CACNG5: variants seen among roughly 807,000 people sequenced by gnomAD.
CACNG5 encodes the protein voltage-dependent calcium channel gamma-5 subunit.
CACNG5 carries 18 observed loss-of-function variants against 24.8 expected under a neutral mutation model. The observed-to-expected ratio is 0.73, with a 90% CI of 0.50 to 1.08. The LOEUF is 1.08. Ranked by LOEUF, CACNG5 falls within the 50% of genes least tolerant of loss-of-function variation. The probability of loss-of-function intolerance (pLI) is 0.00; values close to 1 mark genes in which losing one functional copy is unlikely to be tolerated. For synonymous variants in CACNG5, 157 were observed against 149.1 expected (o/e 1.05, Z -0.39); for missense variants, 349 against 367.9 (o/e 0.95, Z 0.42).
At chr17:66,868,479 C>T (rs1976959601) in intron 1 of CACNG5, among the ~76,000 whole-genome samples, 6 of 152,182 alleles carry the variant, frequency 3.9e-5, no homozygotes, top group Admixed American at 3.9e-4. Context: ...GCTCACTCTC[C>T]AAAGGGCCTC....
At position 66,885,575 on chromosome 17, in the gene CACNG5, C is replaced by T. The variant is rs1207910228; in HGVS notation, c.*335C>T. On this transcript the variant is annotated 3_prime_UTR_variant, in exon 6 of 6. Transcript: ENST00000533854. Reference sequence around the variant, plus strand: ...ATGTTCCCTTTGTATATTCTTCCTGCACCCCCCAACTTCATGGCCCTGGGC... The same window carrying T: ...ATGTTCCCTTTGTATATTCTTCCTGTACCCCCCAACTTCATGGCCCTGGGC... The T allele has an allele frequency of 1.8e-5, 5 of 279,186 alleles. No individual in the cohort carries two copies. The highest frequency in any genetic ancestry group is 3.3e-5 in the Non-Finnish European group (5 of 149,528). 17.3% of individuals were successfully genotyped at this position (279,186 alleles called of 1,614,324 possible). A position where few individuals can be genotyped will look rare whatever the true frequency, so the allele number is the denominator to read the frequency against.
intron 1 of CACNG5, among the ~76,000 whole-genome samples, chr17:66,838,957 A>ATTTTTTTTTTTT (rs1435457390): frequency 1.6e-5 from 1 of 61,504 alleles, no homozygotes; most frequent in African/African-American, 8.6e-5. Context: ...TCCCTCACCC[A>ATTTTTTTTTTTT]TTCTTTTTTT....
intron 3 of CACNG5, 83 bp downstream of exon 3, chr17:66,879,141 A>G: frequency 9.8e-7 from 1 of 1,025,136 alleles, no homozygotes; most frequent in South Asian, 1.3e-5. Context: ...GTGCCAGCAT[A>G]TTTCTCAAGA....
intron 1 of CACNG5, among the ~76,000 whole-genome samples, chr17:66,854,710 A>G (rs1475039879): frequency 2.0e-5 from 3 of 152,126 alleles, no homozygotes; most frequent in African/African-American, 7.2e-5. Context: ...AAAGAAAGAA[A>G]AAAGAAAAGA....
chr17:66,860,704 C>T (rs1704200409), intron 1 of CACNG5, among the ~76,000 whole-genome samples: 1 of 151,906 alleles, frequency 6.6e-6, no homozygotes, highest in Admixed American at 6.6e-5. Context: ...TTTGAATTCT[C>T]ATAAAAAACA....
intron 1 of CACNG5, among the ~76,000 whole-genome samples, chr17:66,871,423 C>T (rs760523043): frequency 2.6e-5 from 4 of 152,162 alleles, no homozygotes; most frequent in African/African-American, 4.8e-5. Context: ...CCAATTAAAC[C>T]CCATCCATCC....
chr17:66,890,558 T>A lies in CACNG5; in HGVS notation c.*5318T>A, dbSNP rs1318576777. 6.6e-6 allele frequency among the ~76,000 whole-genome samples: 1 copy of A among 152,174 alleles called. No individual in the cohort carries two copies. The highest frequency in any genetic ancestry group is 1.5e-5 in the Non-Finnish European group (1 of 68,018). The stretch of plus-strand genomic sequence containing the variant: ...TTCTGGGCCTGCCTCCACCTTCTGG[T>A]GTGTGAAGCCAGGACTCCCTGTGTG... On this transcript the variant is annotated 3_prime_UTR_variant, in exon 6 of 6. Coordinates refer to ENST00000533854, the MANE Select transcript of CACNG5 (RefSeq NM_145811.3).
intron 1 of CACNG5, among the ~76,000 whole-genome samples, chr17:66,848,052 G>A (rs1275052946): frequency 6.6e-6 from 1 of 152,132 alleles, no homozygotes; most frequent in African/African-American, 2.4e-5. Flanking sequence ...TCTGTGCATG[G>A]AAAATGTCTT....
chr17:66,866,654 T>C (rs1049042203), intron 1 of CACNG5, among the ~76,000 whole-genome samples: 5 of 152,086 alleles, frequency 3.3e-5, no homozygotes, highest in African/African-American at 1.2e-4. Context: ...GGTGTGTGTT[T>C]TTCCCCTCCC....
intron 1 of CACNG5, among the ~76,000 whole-genome samples, chr17:66,869,516 G>C (rs979303360): frequency 6.6e-6 from 1 of 152,174 alleles, no homozygotes; most frequent in Admixed American, 6.5e-5. Flanking sequence ...TGAAGAGACT[G>C]AGGTTCAGAG....
rs961669122 is a variant in CACNG5 at position 66,846,170 on chromosome 17, G to GC, written c.-104+10920_-104+10921insC. ...TTATATGCATACACTTTGGGTATGC[G>GC]TTTTTTAAATCGTGGTGAATCATAT... is the stretch of plus-strand genomic sequence containing the variant. On this transcript the variant is annotated intron_variant, in intron 1 of 5. Transcript: ENST00000533854. Among the ~76,000 whole-genome samples the GC allele has an allele frequency of 8.5e-4, 130 of 152,250 alleles. 1 individual carries two copies. Among genetic ancestry groups the GC allele is most frequent in the African/African-American group, 3.0e-3 (126 of 41,562 alleles).
rs942412031 is a variant in CACNG5 at position 66,857,733 on chromosome 17, C to A, written c.-103-19497C>A. Among the ~76,000 whole-genome samples the A allele has an allele frequency of 3.3e-5, 5 of 152,304 alleles. No homozygotes were observed. In the South Asian group the frequency reaches 1.0e-3, roughly 32 times the overall value. ...TTAGACCAAAATCAGATCATGAGTGCATGGTCTGCATATCTTTAGGCCTGT... is the reference window on the plus strand; with the variant it reads ...TTAGACCAAAATCAGATCATGAGTGAATGGTCTGCATATCTTTAGGCCTGT... On this transcript the variant is annotated intron_variant, in intron 1 of 5. Coordinates refer to ENST00000533854, the MANE Select transcript of CACNG5 (RefSeq NM_145811.3).
At chr17:66,861,692 C>G (rs1014470011) in intron 1 of CACNG5, among the ~76,000 whole-genome samples, 1 of 152,206 alleles carries the variant, frequency 6.6e-6, no homozygotes, top group Non-Finnish European at 1.5e-5. Context: ...TATTAACACA[C>G]AGGGTACCAA....
intron 4 of CACNG5, 64 bp from the exon 5 acceptor site, chr17:66,884,452 G>C: frequency 1.3e-6 from 2 of 1,509,780 alleles, no homozygotes; most frequent in South Asian, 1.3e-5. Context: ...GGAGGTGGGT[G>C]CCACCTCAGC....
rs187720722 is a variant in CACNG5 at position 66,856,711 on chromosome 17, T to G, written c.-103-20519T>G. Reference sequence around the variant, plus strand: ...TACATGCCACCATGCCTGGCTACTTTTTTGTATTTTTAGTAGAGACAGGGT... The same window carrying G: ...TACATGCCACCATGCCTGGCTACTTGTTTGTATTTTTAGTAGAGACAGGGT... On this transcript the variant is annotated intron_variant, in intron 1 of 5. Transcript: ENST00000533854. Among the ~76,000 whole-genome samples the G allele has an allele frequency of 1.8e-4, 28 of 152,162 alleles. No homozygotes were observed. The East Asian group carries it at 4.8e-3, about 26-fold the overall frequency.
At chr17:66,844,570 T>C (rs1976610804) in intron 1 of CACNG5, among the ~76,000 whole-genome samples, 1 of 152,204 alleles carries the variant, frequency 6.6e-6, no homozygotes, top group African/African-American at 2.4e-5. Context: ...CTCTCCATAT[T>C]GTCTGAATGA....
intron 1 of CACNG5, among the ~76,000 whole-genome samples, chr17:66,840,667 G>A (rs1976553550): frequency 6.6e-6 from 1 of 152,176 alleles, no homozygotes; most frequent in Admixed American, 6.5e-5. Context: ...AAAACGAGAA[G>A]CAGCTGCTGG....
At chr17:66,868,824 C>A (rs1374101844) in intron 1 of CACNG5, among the ~76,000 whole-genome samples, 1 of 152,130 alleles carries the variant, frequency 6.6e-6, no homozygotes, top group Non-Finnish European at 1.5e-5. Flanking sequence ...TTAAACAGAG[C>A]ATTTTATCTC....
In CACNG5 at chr17:66,890,696, G is replaced by A. The variant is rs1268228309; in HGVS notation, c.*5456G>A. 1.3e-5 allele frequency among the ~76,000 whole-genome samples: 2 copies of A among 152,198 alleles called. No individual in the cohort carries two copies. The highest frequency in any genetic ancestry group is 4.8e-5 in the African/African-American group (2 of 41,446). On this transcript the variant is annotated 3_prime_UTR_variant, in exon 6 of 6. Coordinates refer to ENST00000533854, the MANE Select transcript of CACNG5 (RefSeq NM_145811.3). ...GCCTGAGTTCTCATCAGGTGCTGCT[G>A]CACCCTCTGTGTGTTACCAGCAGCC...
Sources: gnomAD v4.1 joint callset for allele counts (sites outside exome capture counted in the v4.1 genomes callset) on GRCh38, gnomAD v4.1.1 for gene constraint, MANE v1.5 for transcripts, NCBI Gene and HGNC (gene_info 2026-07-23, HGNC 2026-07-21) for gene names.